MAP3K4: variants seen among roughly 807,000 people sequenced by gnomAD.
The protein encoded by MAP3K4 is MAP three kinase 1.
A neutral mutation model predicts 185.6 loss-of-function variants in MAP3K4; 67 were observed. The ratio of observed to expected loss-of-function variants is 0.36; its 90% CI spans 0.30 to 0.44. The LOEUF (loss-of-function observed/expected upper bound fraction) is 0.44. Among genes scored for constraint, MAP3K4 ranks in the 20% least tolerant of loss-of-function variants. MAP3K4 has a pLI of 1.00. For missense variants in MAP3K4, 1,551 were observed against 1,995.1 expected, an observed-to-expected ratio of 0.78 and a Z score of 4.24; for synonymous variants, 702 against 710.4, an observed-to-expected ratio of 0.99 and a Z score of 0.19.
At position 161,056,047 on chromosome 6, in the gene MAP3K4, T is replaced by TC. The variant is rs1458917006; in HGVS notation, c.1707+6070dup. On this transcript the variant is annotated intron_variant, in intron 3 of 26. Transcript: ENST00000392142. The surrounding 1 kb of genome is among the most constrained non-coding windows in gnomAD (Gnocchi z 5.4). ...CTGTTGTTTTTACTTTGAATTATAATCCAGTACCATTGTTACTGATTTTGT... is the reference window on the plus strand; with the variant it reads ...CTGTTGTTTTTACTTTGAATTATAATCCCAGTACCATTGTTACTGATTTTGT... Among the ~76,000 whole-genome samples the TC allele has an allele frequency of 6.6e-6, 1 of 152,236 alleles. No individual in the cohort carries two copies. Among genetic ancestry groups the TC allele is most frequent in the East Asian group, 1.9e-4 (1 of 5,204 alleles).
Position 161,086,398 on chromosome 6 carries a change from A to G in MAP3K4, c.2392A>G (p.Ser798Gly). The G allele has an allele frequency of 1.2e-6, 2 of 1,613,324 alleles. No individual in the cohort carries two copies. The highest frequency in any genetic ancestry group is 1.7e-6 in the Non-Finnish European group (2 of 1,179,528). Residue 798 changes from serine to glycine, a missense_variant, in exon 8 of 27, where the codon AGT (serine) becomes GGT (glycine). Ser to Gly is a moderately conservative substitution (Grantham distance 56). This residue lies in a region of MAP3K4 where 130 missense variants were observed against 171.3 expected (regional missense o/e 0.76). Coordinates refer to ENST00000392142, the MANE Select transcript of MAP3K4 (RefSeq NM_005922.4). The surrounding 1 kb of genome is among the most constrained non-coding windows in gnomAD (Gnocchi z 4.8). ...TGGCAGGAGGTCTGTTATAGAGATC[A>G]GTCGAGCCCTGAAGGAGCTCTTCCA... The part of the protein sequence containing the change: ...DEIRRSVIEI[S>G]RALKELFHEA...
At position 161,070,553 on chromosome 6, in the gene MAP3K4, T is replaced by C. The variant is rs901103610; in HGVS notation, c.1708-55T>C. On this transcript the variant is annotated intron_variant, in intron 3 of 26. Coordinates refer to ENST00000392142, the MANE Select transcript of MAP3K4 (RefSeq NM_005922.4). This position sits in a 1 kb window ranked among gnomAD's most constrained non-coding sequence, Gnocchi z 4.5. ...GAATAAGAGTTTATAACCACAACCGTAGAACGTTGTCTCGTATGCTCTTTT... is the reference window on the plus strand; with the variant it reads ...GAATAAGAGTTTATAACCACAACCGCAGAACGTTGTCTCGTATGCTCTTTT... The C allele has an allele frequency of 1.2e-5, 18 of 1,540,884 alleles. No homozygotes were observed. The African/African-American group carries it at 2.5e-4, about 21-fold the overall frequency.
intron 2 of MAP3K4, among the ~76,000 whole-genome samples, chr6:161,035,995 A>G (rs1370411741): frequency 1.2e-4 from 19 of 152,102 alleles, no homozygotes; most frequent in Admixed American, 1.0e-3. Flanking sequence ...CTGGTACTCT[A>G]TTTGGACTTT....
rs193300867 is a variant in MAP3K4 at position 161,016,329 on chromosome 6, C to T, written c.153-17930C>T. Among the ~76,000 whole-genome samples the T allele has an allele frequency of 5.8e-3, 876 of 152,038 alleles. 2 individuals carry two copies. The highest frequency in any genetic ancestry group is 0.01 in the Non-Finnish European group (708 of 67,962). The stretch of plus-strand genomic sequence containing the variant: ...GTCTTTTTTACTTTCTTGATTGTGT[C>T]TTTTGCATAAAAGTTTCTAATTTTG... On this transcript the variant is annotated intron_variant, in intron 1 of 26. Coordinates refer to ENST00000392142, the MANE Select transcript of MAP3K4 (RefSeq NM_005922.4).
intron 25 of MAP3K4, among the ~76,000 whole-genome samples, chr6:161,113,790 CT>C (rs963260228): frequency 1.3e-3 from 90 of 71,078 alleles, no homozygotes; most frequent in East Asian, 0.011. Flanking sequence ...ATATGAGTGA[CT>C]TTTTTTTTTT....
rs948913587 is a variant in MAP3K4, at chr6:161,077,286, A to G, written c.2098-3595A>G. Among the ~76,000 whole-genome samples the G allele has an allele frequency of 2.6e-5, 4 of 152,182 alleles. No individual in the cohort carries two copies. Among genetic ancestry groups the G allele is most frequent in the Non-Finnish European group, 4.4e-5 (3 of 68,038 alleles). ...ATTTCTTATTGAAAAAAATATCTACATGTACCCCGGAACTTAAAATAAAAA... is the reference window on the plus strand; with the variant it reads ...ATTTCTTATTGAAAAAAATATCTACGTGTACCCCGGAACTTAAAATAAAAA... On this transcript the variant is annotated intron_variant, in intron 5 of 26. Coordinates refer to ENST00000392142, the MANE Select transcript of MAP3K4 (RefSeq NM_005922.4). This position sits in a 1 kb window ranked among gnomAD's most constrained non-coding sequence, Gnocchi z 4.3.
rs1167509462 is a variant in MAP3K4, at chr6:161,053,793, CA to C, written c.1707+3815del. Among the ~76,000 whole-genome samples the C allele has an allele frequency of 6.6e-6, 1 of 152,012 alleles. No individual in the cohort carries two copies. The highest frequency in any genetic ancestry group is 1.5e-5 in the Non-Finnish European group (1 of 68,006). ...TTTTTAATAGAGACGGGGGTTTCAC[CA>C]TGTTGGCCAGGCTAGTCTTGAACTC... On this transcript the variant is annotated intron_variant, in intron 3 of 26. Coordinates refer to ENST00000392142, the MANE Select transcript of MAP3K4 (RefSeq NM_005922.4). The surrounding 1 kb of genome is among the most constrained non-coding windows in gnomAD (Gnocchi z 4.2).
At position 161,101,321 on chromosome 6, in the gene MAP3K4, C is replaced by T. The variant is rs1777829939; in HGVS notation, c.3675-571C>T. ...TGAGAAACCTTTAGGTATTCCCTTCCATTTTCTTACTGAGAGATTTGGAAT... is the reference window on the plus strand; with the variant it reads ...TGAGAAACCTTTAGGTATTCCCTTCTATTTTCTTACTGAGAGATTTGGAAT... On this transcript the variant is annotated intron_variant, in intron 17 of 26. Transcript: ENST00000392142. This position sits in a 1 kb window ranked among gnomAD's most constrained non-coding sequence, Gnocchi z 5.1. The T allele has an allele frequency of 6.6e-6, 1 of 152,210 alleles. No individual in the cohort carries two copies. The highest frequency in any genetic ancestry group is 2.4e-5 in the African/African-American group (1 of 41,536). 9.4% of individuals were successfully genotyped at this position (152,210 alleles called of 1,614,324 possible).
chr6:161,013,295 T>C (rs1323897739), intron 1 of MAP3K4, among the ~76,000 whole-genome samples: 1 of 152,208 alleles, frequency 6.6e-6, no homozygotes, highest in Non-Finnish European at 1.5e-5. Context: ...CTTTTCATTT[T>C]GTTTGCTCGT....
chr6:160,992,360 C>T (rs964210433), intron 1 of MAP3K4: 14 of 478,742 alleles, frequency 2.9e-5, no homozygotes, highest in African/African-American at 2.7e-4. Flanking sequence ...TCACCCTCAA[C>T]GTTGCGGGGG....
chr6:161,080,466 C>T lies in MAP3K4; in HGVS notation c.2098-415C>T, dbSNP rs1310588868. ...GGGGTGGTGCGAAGAAGGGTGTTGA[C>T]GTCCTCCTCTCTGCACATAAGGCAC... On this transcript the variant is annotated intron_variant, in intron 5 of 26. Transcript: ENST00000392142. This position sits in a 1 kb window ranked among gnomAD's most constrained non-coding sequence, Gnocchi z 4.8. Among the ~76,000 whole-genome samples, 5 of 152,106 alleles carry T rather than the reference C, an allele frequency of 3.3e-5. No homozygotes were observed. The highest frequency in any genetic ancestry group is 2.1e-4 in the South Asian group (1 of 4,822).
Position 161,032,683 on chromosome 6 carries a change from A to G in MAP3K4, c.153-1576A>G, listed in dbSNP as rs142692339. Among the ~76,000 whole-genome samples, 49 of 152,364 alleles carry G rather than the reference A, an allele frequency of 3.2e-4. 1 individual carries two copies. In the East Asian group the frequency reaches 6.4e-3, roughly 20 times the overall value. On this transcript the variant is annotated intron_variant, in intron 1 of 26. Transcript: ENST00000392142. ...CCATGTTCTTTAATCAGTCAAATCA[A>G]CTATTACACAGTGAGTATAGAAGAA...
Position 161,037,937 on chromosome 6 carries a change from T to C in MAP3K4, c.343+3488T>C, listed in dbSNP as rs986505772. 6.6e-6 allele frequency among the ~76,000 whole-genome samples: 1 copy of C among 152,218 alleles called. No homozygotes were observed. Among genetic ancestry groups the C allele is most frequent in the Non-Finnish European group, 1.5e-5 (1 of 68,046 alleles). On this transcript the variant is annotated intron_variant, in intron 2 of 26. Transcript: ENST00000392142. The surrounding 1 kb of genome is among the most constrained non-coding windows in gnomAD (Gnocchi z 4.2). The stretch of plus-strand genomic sequence containing the variant: ...ATTTCCTTGTATGTCTTCCTAGTCC[T>C]TCGCTTTATCTCACTACATAATGCT...
intron 1 of MAP3K4, among the ~76,000 whole-genome samples, chr6:160,998,503 A>G (rs994823896): frequency 6.6e-6 from 1 of 152,196 alleles, no homozygotes; most frequent in African/African-American, 2.4e-5. Context: ...AGTCCATGTG[A>G]TATAAAGAGA....
Position 161,093,933 on chromosome 6 carries a change from A to G in MAP3K4, c.3427+82A>G, listed in dbSNP as rs924969918. On this transcript the variant is annotated intron_variant, in intron 15 of 26. Transcript: ENST00000392142. The surrounding 1 kb of genome is among the most constrained non-coding windows in gnomAD (Gnocchi z 5.2). ...CCTCTTGTAATTGCAGTCGTTTAAAATGGTATAAGAGGTGTTTTAACAGTA... is the reference window on the plus strand; with the variant it reads ...CCTCTTGTAATTGCAGTCGTTTAAAGTGGTATAAGAGGTGTTTTAACAGTA... The G allele has an allele frequency of 3.3e-5, 34 of 1,044,276 alleles. No homozygotes were observed. Among genetic ancestry groups the G allele is most frequent in the East Asian group, 9.6e-5 (4 of 41,654 alleles). 64.7% of individuals were successfully genotyped at this position (1,044,276 alleles called of 1,614,324 possible).
chr6:161,010,664 T>C (rs1781803045), intron 1 of MAP3K4, among the ~76,000 whole-genome samples: 1 of 152,234 alleles, frequency 6.6e-6, no homozygotes, highest in Non-Finnish European at 1.5e-5. Context: ...ATCACTTTGC[T>C]ATATTTACTA....
intron 5 of MAP3K4, among the ~76,000 whole-genome samples, chr6:161,079,293 G>C (rs1785331091): frequency 1.3e-5 from 2 of 151,068 alleles, no homozygotes. Context: ...AAGACAGAGA[G>C]TTGGCCGGAC....
chr6:161,091,480 T>C lies in MAP3K4; in HGVS notation c.3075T>C (p.Ser1025=). The change falls in exon 12 of 27, where the codon TCT becomes TCC. Residue 1025 remains serine, a synonymous_variant. Coordinates refer to ENST00000392142, the MANE Select transcript of MAP3K4 (RefSeq NM_005922.4). This position sits in a 1 kb window ranked among gnomAD's most constrained non-coding sequence, Gnocchi z 5.5. ...EFDAEVDESE[S]VTLQQYYREA... is the part of the protein sequence containing the mutation. ...ATGCTGAGGTTGATGAATCTGAATC[T>C]GTCACCTTGCAACAGTACTACCGAG... 6.2e-7 allele frequency: 1 copy of C among 1,614,164 alleles called. No individual in the cohort carries two copies. The highest frequency in any genetic ancestry group is 8.5e-7 in the Non-Finnish European group (1 of 1,180,022).
At position 161,083,000 on chromosome 6, in the gene MAP3K4, C is replaced by T. The variant is rs147605317; in HGVS notation, c.2256-1501C>T. On this transcript the variant is annotated intron_variant, in intron 6 of 26. Coordinates refer to ENST00000392142, the MANE Select transcript of MAP3K4 (RefSeq NM_005922.4). The surrounding 1 kb of genome is among the most constrained non-coding windows in gnomAD (Gnocchi z 4.2). ...CCTGACATGGTCCTATTTCTCATTA[C>T]GTCTTTGTCCTCCTTCTAGACCCTC... Among the ~76,000 whole-genome samples, 36 of 152,312 alleles carry T rather than the reference C, an allele frequency of 2.4e-4. No homozygotes were observed. Among genetic ancestry groups the T allele is most frequent in the African/African-American group, 8.7e-4 (36 of 41,576 alleles).
Sources: gnomAD v4.1 joint callset for allele counts (sites outside exome capture counted in the v4.1 genomes callset) on GRCh38, gnomAD v4.1.1 for gene constraint, gnomAD v4.1.1 regional missense constraint, Gnocchi (gnomAD v3.1) non-coding constraint, MANE v1.5 for transcripts, NCBI Gene and HGNC (gene_info 2026-07-23, HGNC 2026-07-21) for gene names.